Variants in MAST3 observed in about 807,000 individuals in gnomAD.
The protein encoded by MAST3 is microtubule-associated serine/threonine-protein kinase 3.
MAST3 carries 43 observed loss-of-function variants against 127.0 expected under a neutral mutation model. The ratio of observed to expected loss-of-function variants is 0.34; its 90% confidence interval spans 0.27 to 0.44. MAST3 has a LOEUF of 0.44. Ranked by LOEUF, MAST3 falls within the 20% of genes least tolerant of loss-of-function variation. The pLI, the probability that MAST3 is intolerant of heterozygous loss-of-function variation, is 1.00. For missense variants in MAST3, 1,390 were observed against 1,919.1 expected (o/e 0.72, Z 5.15); for synonymous variants, 785 against 809.2 (o/e 0.97, Z 0.51).
At position 18,144,062 on chromosome 19, in the gene MAST3, G is replaced by A. The variant is rs766873008; in HGVS notation, c.2584+55G>A. 2.0e-6 allele frequency: 3 copies of A among 1,534,036 alleles called. No homozygotes were observed. Among genetic ancestry groups the A allele is most frequent in the Non-Finnish European group, 2.6e-6 (3 of 1,141,220 alleles). On this transcript the variant is annotated intron_variant, in intron 22 of 27. Coordinates refer to ENST00000687212, the MANE Select transcript of MAST3 (RefSeq NM_001393504.1). The surrounding 1 kb of genome is among the most constrained non-coding windows in gnomAD (Gnocchi z 4.0). ...TGTCATGGAAGTTTCCCAGAGGAGG[G>A]GCTATTTGAGATGGGTTTTCAAGGA... is the stretch of plus-strand genomic sequence containing the variant.
chr19:18,137,958 A>G (rs1296431865), intron 19 of MAST3, among the ~76,000 whole-genome samples: 12 of 152,076 alleles, frequency 7.9e-5, no homozygotes, highest in Admixed American at 7.2e-4. Context: ...TAATCCCAGA[A>G]CTTTGGGAGG....
chr19:18,146,317 C>T (rs1286753281), intron 25 of MAST3, among the ~76,000 whole-genome samples: 2 of 152,142 alleles, frequency 1.3e-5, no homozygotes, highest in Non-Finnish European at 2.9e-5. Flanking sequence ...TGGTGGCATG[C>T]GCCTATAGTC....
At chr19:18,106,095 A>T (rs1332467267) in intron 1 of MAST3, among the ~76,000 whole-genome samples, 1 of 152,002 alleles carries the variant, frequency 6.6e-6, no homozygotes, top group Non-Finnish European at 1.5e-5. Context: ...AATTATTATT[A>T]ATTTTTTTTA....
intron 19 of MAST3, among the ~76,000 whole-genome samples, chr19:18,138,301 G>A (rs745497618): frequency 8.5e-5 from 12 of 141,198 alleles, no homozygotes; most frequent in Non-Finnish European, 1.8e-4. Context: ...AGGAATTCCC[G>A]CCCCTGGTCC....
intron 3 of MAST3, among the ~76,000 whole-genome samples, chr19:18,113,942 C>A (rs549498236): frequency 1.3e-5 from 2 of 152,252 alleles, no homozygotes; most frequent in Non-Finnish European, 1.5e-5. Flanking sequence ...CCGTCGCTCA[C>A]TTGGCTCCAG....
chr19:18,117,809 CG>C (rs2039449265), intron 3 of MAST3, among the ~76,000 whole-genome samples: 1 of 151,734 alleles, frequency 6.6e-6, no homozygotes, highest in Non-Finnish European at 1.5e-5. Context: ...CCGCCGCCCG[CG>C]GTCGTAGCAA....
rs533513850 is a variant in MAST3 at position 18,139,076 on chromosome 19, G to A, written c.2157G>A (p.Ser719=). The A allele has an allele frequency of 5.7e-5, 92 of 1,605,136 alleles. No individual in the cohort carries two copies. In the Middle Eastern group the frequency reaches 9.9e-4, roughly 17 times the overall value. ...SEDDETNDEE[S]STEIPQFSSC... ...ACGACGAGACCAATGATGAAGAATCGTCCACAGAGATCCCCCAGTTCTCCT... is the reference window on the plus strand; with the variant it reads ...ACGACGAGACCAATGATGAAGAATCATCCACAGAGATCCCCCAGTTCTCCT... Residue 719 remains serine (S), a synonymous_variant, in exon 20 of 28, where the codon TCG becomes TCA. Coordinates refer to ENST00000687212, the MANE Select transcript of MAST3 (RefSeq NM_001393504.1).
intron 1 of MAST3, among the ~76,000 whole-genome samples, chr19:18,106,862 C>G (rs61536155): frequency 0.024 from 3,660 of 151,456 alleles, 105 homozygotes; most frequent in Admixed American, 0.076. Flanking sequence ...TGAGCCACTG[C>G]GCCTGACCGG....
intron 12 of MAST3, 115 bp downstream of exon 12, chr19:18,128,573 G>A: frequency 1.7e-6 from 2 of 1,153,428 alleles, no homozygotes; most frequent in Non-Finnish European, 2.5e-6. Flanking sequence ...ATTAGCATCG[G>A]TGACTTTGGA....
chr19:18,131,715 A>T (rs948088712), intron 14 of MAST3, among the ~76,000 whole-genome samples, 194 bp from the exon 15 acceptor site: 8 of 152,190 alleles, frequency 5.3e-5, no homozygotes, highest in South Asian at 4.1e-4. Context: ...AGAAAAAATT[A>T]AAAAATTAAA....
intron 3 of MAST3, among the ~76,000 whole-genome samples, chr19:18,120,722 G>A (rs761731209): frequency 1.4e-5 from 2 of 144,726 alleles, no homozygotes; most frequent in African/African-American, 2.7e-5. Context: ...TTTTTGTTTT[G>A]TTTTGTTTTG....
intron 20 of MAST3, among the ~76,000 whole-genome samples, chr19:18,140,617 C>A (rs1342324176): frequency 6.6e-6 from 1 of 152,134 alleles, no homozygotes; most frequent in Non-Finnish European, 1.5e-5. Context: ...GCTTCTCTTA[C>A]TCAGCATCAC....
At chr19:18,115,023 C>A (rs1251890105) in intron 3 of MAST3, among the ~76,000 whole-genome samples, 1 of 152,082 alleles carries the variant, frequency 6.6e-6, no homozygotes, top group African/African-American at 2.4e-5. Flanking sequence ...GAGTCAAATG[C>A]CAATGTCACA....
In MAST3 at chr19:18,144,414, G is replaced by A; in HGVS notation, c.2585-52G>A. On this transcript the variant is annotated intron_variant, in intron 22 of 27. Transcript: ENST00000687212. The surrounding 1 kb of genome is among the most constrained non-coding windows in gnomAD (Gnocchi z 4.0). ...GAGGAAGGGCCTTAAGGTCCCTTTA[G>A]GACCACATGGTGAGTTTGAGGGGCA... The A allele has an allele frequency of 6.8e-7, 1 of 1,469,664 alleles. No individual in the cohort carries two copies. Among genetic ancestry groups the A allele is most frequent in the Admixed American group, 2.0e-5 (1 of 50,910 alleles). 91.0% of individuals were successfully genotyped at this position (1,469,664 alleles called of 1,614,324 possible).
intron 3 of MAST3, among the ~76,000 whole-genome samples, chr19:18,115,183 C>G (rs1180096419): frequency 6.6e-6 from 1 of 152,088 alleles, no homozygotes; most frequent in East Asian, 1.9e-4. Flanking sequence ...GGGCCGACAC[C>G]AGAGATCAGT....
At chr19:18,118,712 C>A (rs984068142) in intron 3 of MAST3, among the ~76,000 whole-genome samples, 1 of 152,286 alleles carries the variant, frequency 6.6e-6, no homozygotes, top group African/African-American at 2.4e-5. Flanking sequence ...AAAGCCTCAC[C>A]GCTCTTGGAG....
intron 3 of MAST3, among the ~76,000 whole-genome samples, chr19:18,111,618 T>C (rs1177778793): frequency 7.2e-6 from 1 of 139,106 alleles, no homozygotes; most frequent in South Asian, 2.5e-4. Context: ...TACTGCAACC[T>C]CCACCTCCTG....
rs776055350 is a variant in MAST3, at chr19:18,121,724, G to A, written c.201G>A (p.Thr67=). The A allele has an allele frequency of 2.2e-5, 35 of 1,613,832 alleles. No homozygotes were observed. Among genetic ancestry groups the A allele is most frequent in the South Asian group, 9.9e-5 (9 of 91,092 alleles). The part of the protein sequence containing the change: ...SGNRKSLVVG[T]PSPTLSRPLS... ...ACCGCAAGAGCTTGGTGGTAGGAACGCCCTCCCCGACCCTCTCCCGGCCCC... is the reference window on the plus strand; with the variant it reads ...ACCGCAAGAGCTTGGTGGTAGGAACACCCTCCCCGACCCTCTCCCGGCCCC... Residue 67 remains threonine (T), a synonymous_variant, in exon 4 of 28, where the codon ACG becomes ACA. Coordinates refer to ENST00000687212, the MANE Select transcript of MAST3 (RefSeq NM_001393504.1).
At chr19:18,136,196 AG>A (rs1265532232) in intron 18 of MAST3, among the ~76,000 whole-genome samples, 1 of 152,190 alleles carries the variant, frequency 6.6e-6, no homozygotes, top group African/African-American at 2.4e-5. Context: ...AGACTCATGC[AG>A]CCACCCATCA....
Sources: allele counts gnomAD v4.1 joint callset (sites outside exome capture counted in the v4.1 genomes callset), GRCh38; gene constraint gnomAD v4.1.1; non-coding constraint Gnocchi (gnomAD v3.1); transcripts MANE v1.5; gene names NCBI Gene and HGNC (gene_info 2026-07-23, HGNC 2026-07-21).